Variants in AR observed in about 807,000 individuals in gnomAD.
The protein encoded by AR is androgen receptor.
AR carries 8 observed loss-of-function variants against 53.9 expected under a neutral mutation model. The ratio of observed to expected loss-of-function variants is 0.15; its 90% CI spans 0.09 to 0.27. The LOEUF (loss-of-function observed/expected upper bound fraction) is 0.27. Among genes scored for constraint, AR ranks in the 10% least tolerant of loss-of-function variants. AR has a pLI of 1.00. For synonymous variants in AR, 359 were observed against 316.4 expected (o/e 1.13, Z -1.43); for missense variants, 639 against 742.5 (o/e 0.86, Z 1.62).
chrX:67,701,735 C>T (rs1011099075), intron 3 of AR, among the ~76,000 whole-genome samples: 1 of 110,757 alleles, frequency 9.0e-6, no homozygotes, highest in Non-Finnish European at 1.9e-5. Context: ...ACTGTATTGC[C>T]TATGTAGAGC....
chrX:67,553,114 G>A (rs774876523), intron 1 of AR, among the ~76,000 whole-genome samples: 48 of 111,454 alleles, frequency 4.3e-4, no homozygotes, highest in South Asian at 7.5e-4. Flanking sequence ...TGATTTTGGC[G>A]TCGTATCTAA....
rs56348100 is a variant in AR at position 67,717,907 on chromosome X, A to G, written c.2318+285A>G. Among the ~76,000 whole-genome samples, 16,609 of 111,809 alleles carry G rather than the reference A, an allele frequency of 0.15. 1,549 individuals carry two copies. The highest frequency in any genetic ancestry group is 0.34 in the African/African-American group (10,454 of 30,595). ...CAGCTTATCTCAAAACCACATGGAAAGATTCCTCCCCTTCACATATAAAAG... is the reference window on the plus strand; with the variant it reads ...CAGCTTATCTCAAAACCACATGGAAGGATTCCTCCCCTTCACATATAAAAG... On this transcript the variant is annotated intron_variant, in intron 5 of 7. Transcript: ENST00000374690.
At chrX:67,695,456 C>G in intron 3 of AR, 2 of 754,312 alleles carry the variant, frequency 2.7e-6, no homozygotes, top group Non-Finnish European at 3.1e-6. Context: ...TGTAGCCACA[C>G]TCCTTGATTG....
intron 3 of AR, among the ~76,000 whole-genome samples, chrX:67,710,159 C>A (rs756585466): frequency 9.1e-6 from 1 of 110,492 alleles, no homozygotes; most frequent in African/African-American, 3.3e-5. Flanking sequence ...ATTCACTGTT[C>A]TTTCTGGGAC....
intron 1 of AR, among the ~76,000 whole-genome samples, chrX:67,574,603 C>G (rs945122843): frequency 1.8e-5 from 2 of 111,492 alleles, no homozygotes; most frequent in Non-Finnish European, 3.8e-5. Flanking sequence ...GAAGTTTAGC[C>G]TCTCATCCCC....
At chrX:67,553,284 T>C in intron 1 of AR, among the ~76,000 whole-genome samples, 1 of 112,215 alleles carries the variant, frequency 8.9e-6, no homozygotes. Flanking sequence ...CATGTAGATA[T>C]TCAGTTCTCA....
chrX:67,711,978 A>G (rs1317785732), intron 4 of AR, among the ~76,000 whole-genome samples: 1 of 112,392 alleles, frequency 8.9e-6, no homozygotes, highest in South Asian at 3.7e-4. Context: ...ATTTTCCATT[A>G]ATCACAAATC....
In AR at chrX:67,617,337, A is replaced by T. The variant is rs185219048; in HGVS notation, c.1617-25919A>T. 5.3e-3 allele frequency among the ~76,000 whole-genome samples: 592 copies of T among 111,697 alleles called. 2 individuals carry two copies. The highest frequency in any genetic ancestry group is 0.019 in the African/African-American group (576 of 30,781). On this transcript the variant is annotated intron_variant, in intron 1 of 7. Coordinates refer to ENST00000374690, the MANE Select transcript of AR (RefSeq NM_000044.6). Reference sequence around the variant, plus strand: ...CCACCACCATGGAAGCTACCTTAAGACAGTGAGGGACTTTGTTTAACTTGT... The same window carrying T: ...CCACCACCATGGAAGCTACCTTAAGTCAGTGAGGGACTTTGTTTAACTTGT...
chrX:67,664,983 G>T (rs1253010112), intron 2 of AR, among the ~76,000 whole-genome samples: 8 of 112,690 alleles, frequency 7.1e-5, no homozygotes, highest in Non-Finnish European at 1.5e-4. Context: ...TATTATGGTG[G>T]GAGTGACCCG....
At chrX:67,686,150 C>T (rs370439731) in intron 3 of AR, 24 bp downstream of exon 3, 587 of 1,166,869 alleles carry the variant, frequency 5.0e-4, no homozygotes, top group Non-Finnish European at 6.6e-4. Context: ...CTTTCTCTTC[C>T]TCCTCCTTCC....
chrX:67,596,220 G>T (rs1923073991), intron 1 of AR, among the ~76,000 whole-genome samples: 2 of 109,761 alleles, frequency 1.8e-5, no homozygotes, highest in South Asian at 7.9e-4. Context: ...AGCTTGCAAA[G>T]CCATGAGCCA....
At chrX:67,623,704 T>C (rs1177827900) in intron 1 of AR, among the ~76,000 whole-genome samples, 2 of 110,929 alleles carry the variant, frequency 1.8e-5, no homozygotes, top group Non-Finnish European at 3.8e-5. Flanking sequence ...AAACATTGAT[T>C]CTTTGAAGAG....
intron 1 of AR, among the ~76,000 whole-genome samples, chrX:67,553,789 T>A (rs939241073): frequency 8.9e-6 from 1 of 112,663 alleles, no homozygotes; most frequent in Non-Finnish European, 1.9e-5. Context: ...TCCTAAGTGA[T>A]TTATTTTTTG....
intron 3 of AR, among the ~76,000 whole-genome samples, chrX:67,696,493 A>G (rs1692175271): frequency 8.9e-6 from 1 of 111,877 alleles, no homozygotes; most frequent in Non-Finnish European, 1.9e-5. Flanking sequence ...ATTGCATATC[A>G]TTCTATCATT....
rs776668936 is a variant in AR at position 67,658,265 on chromosome X, C to T, written c.1768+14858C>T. ...GTAGAATAGGAAGGCTTAGATACAG[C>T]ATGAAAGCTGCAGGCTTTGAGGAGC... On this transcript the variant is annotated intron_variant, in intron 2 of 7. Transcript: ENST00000374690. 9.0e-5 allele frequency among the ~76,000 whole-genome samples: 10 copies of T among 111,691 alleles called. No individual in the cohort carries two copies. In the South Asian group the frequency reaches 3.4e-3, roughly 38 times the overall value.
chrX:67,627,709 C>T (rs140894013), intron 1 of AR, among the ~76,000 whole-genome samples: 6,436 of 111,475 alleles, frequency 0.058, 475 homozygotes, highest in African/African-American at 0.2. Context: ...GAAGTCCTTG[C>T]CCATGCCTAT....
chrX:67,641,086 C>T lies in AR; in HGVS notation c.1617-2170C>T, dbSNP rs185292732. 5.3e-4 allele frequency among the ~76,000 whole-genome samples: 59 copies of T among 111,550 alleles called. 1 individual carries two copies. Among genetic ancestry groups the T allele is most frequent in the Admixed American group, 9.6e-4 (10 of 10,443 alleles). On this transcript the variant is annotated intron_variant, in intron 1 of 7. Coordinates refer to ENST00000374690, the MANE Select transcript of AR (RefSeq NM_000044.6). ...CTAAGAGTTGAGTTGAACCATTGTACCTAATCTTAACCTTCATTAGCACAA... is the reference window on the plus strand; with the variant it reads ...CTAAGAGTTGAGTTGAACCATTGTATCTAATCTTAACCTTCATTAGCACAA...
At position 67,675,022 on chromosome X, in the gene AR, A is replaced by C. The variant is rs1472082080; in HGVS notation, c.1769-10988A>C. Among the ~76,000 whole-genome samples the C allele has an allele frequency of 3.6e-5, 4 of 110,712 alleles. No individual in the cohort carries two copies. The Admixed American group carries it at 3.8e-4, about 11-fold the overall frequency. ...TAGTCAGCAGGAGATGAATCCTGCC[A>C]GTACTGATTCCTTCCCTTCAAGGCA... On this transcript the variant is annotated intron_variant, in intron 2 of 7. Transcript: ENST00000374690.
intron 2 of AR, among the ~76,000 whole-genome samples, chrX:67,658,499 C>T (rs1437697872): frequency 8.9e-6 from 1 of 111,989 alleles, no homozygotes; most frequent in Non-Finnish European, 1.9e-5. Flanking sequence ...GCCCAGGCTG[C>T]AGTGTGCAGC....
Sources: gnomAD v4.1 joint callset for allele counts (sites outside exome capture counted in the v4.1 genomes callset) on GRCh38, gnomAD v4.1.1 for gene constraint, MANE v1.5 for transcripts, NCBI Gene and HGNC (gene_info 2026-07-23, HGNC 2026-07-21) for gene names.